PRKDC: variants seen among roughly 807,000 people sequenced by gnomAD.
The protein encoded by PRKDC is protein kinase, DNA-activated, catalytic subunit.
Under a neutral mutation model 486.9 loss-of-function variants are expected in PRKDC, and 82 were observed. The ratio of observed to expected loss-of-function variants is 0.17; its 90% CI spans 0.14 to 0.20. The LOEUF (loss-of-function observed/expected upper bound fraction) is 0.20. Ranked by LOEUF, PRKDC falls within the 10% of genes least tolerant of loss-of-function variation. The pLI is 1.00. For missense variants in PRKDC, 4,504 were observed against 5,038.2 expected, an observed-to-expected ratio of 0.89 and a Z score of 3.21; for synonymous variants, 1,895 against 1,837.0, an observed-to-expected ratio of 1.03 and a Z score of -0.81.
chr8:47,851,544 G>A (rs1016421865), intron 52 of PRKDC, among the ~76,000 whole-genome samples: 1 of 152,176 alleles, frequency 6.6e-6, no homozygotes, highest in Non-Finnish European at 1.5e-5. Flanking sequence ...AGGACCACCT[G>A]GCTTCTCCTG....
intron 35 of PRKDC, 55 bp from the exon 36 acceptor site, chr8:47,886,202 G>T: frequency 7.1e-7 from 1 of 1,414,716 alleles, no homozygotes. Flanking sequence ...GCATGGCACA[G>T]AAAGACCCTT....
At chr8:47,831,952 A>G in intron 59 of PRKDC, 26 bp from the exon 60 acceptor site, 2 of 1,587,416 alleles carry the variant, frequency 1.3e-6, no homozygotes, top group Non-Finnish European at 1.7e-6. Flanking sequence ...AGGCCCAGTT[A>G]CTCCCCGCCG....
In PRKDC at chr8:47,913,992, G is replaced by C. The variant is rs894027943; in HGVS notation, c.2690C>G (p.Pro897Arg). 1.9e-6 allele frequency: 3 copies of C among 1,607,706 alleles called. No individual in the cohort carries two copies. Among genetic ancestry groups the C allele is most frequent in the Non-Finnish European group, 2.5e-6 (3 of 1,176,728 alleles). The change falls in exon 24 of 86, where the codon CCC becomes CGC. Residue 897 changes from proline (P) to arginine (R), a missense_variant. Physicochemically the swap from Pro to Arg is moderately radical, Grantham distance 103. This residue lies in a region of PRKDC where 1,969 missense variants were observed against 2,068.9 expected (regional missense o/e 0.95). Coordinates refer to ENST00000314191, the MANE Select transcript of PRKDC (RefSeq NM_006904.7). ...AATGACAGGTTTCATCTCTCTAAAG[G>C]GCACTGCAAAGCTCAGCCGCTTCTC... ...DREKRLSFAV[P>R]FREMKPVIFL...
chr8:47,861,097 G>A (rs192068732), intron 44 of PRKDC, 126 bp from the exon 45 acceptor site: 3 of 695,784 alleles, frequency 4.3e-6, no homozygotes, highest in East Asian at 2.9e-5. Flanking sequence ...AAATTTAAAA[G>A]CACTCAAAAA....
At chr8:47,858,668 G>A (rs777629255) in intron 47 of PRKDC, 33 bp from the exon 48 acceptor site, 58 of 1,463,132 alleles carry the variant, frequency 4.0e-5, no homozygotes, top group African/African-American at 8.6e-5. Context: ...ACCTTAAAAC[G>A]TGGAATAAAA....
At position 47,877,779 on chromosome 8, in the gene PRKDC, G is replaced by T; in HGVS notation, c.5308C>A (p.Gln1770Lys). Residue 1770 changes from glutamine to lysine, a missense_variant, in exon 40 of 86, where the codon CAG (glutamine) becomes AAG (lysine). Around this residue, in one of 6 missense-constraint regions of PRKDC, gnomAD observed 1,969 missense variants for 2,068.9 expected, o/e 0.95. Coordinates refer to ENST00000314191, the MANE Select transcript of PRKDC (RefSeq NM_006904.7). ...ELMTEVLCRE[Q>K]QHVMEELFQS... is the part of the protein sequence containing the mutation. ...AATAATTCTTCCATGACATGCTGCT[G>T]TTCCCGACAAAGAACTTCTGTCATC... is the stretch of plus-strand genomic sequence containing the variant. The T allele has an allele frequency of 6.3e-7, 1 of 1,598,904 alleles. No homozygotes were observed. Among genetic ancestry groups the T allele is most frequent in the Non-Finnish European group, 8.5e-7 (1 of 1,171,852 alleles).
intron 30 of PRKDC, among the ~76,000 whole-genome samples, chr8:47,894,485 T>A (rs1349245316): frequency 6.6e-6 from 1 of 151,456 alleles, no homozygotes; most frequent in Admixed American, 6.6e-5. Flanking sequence ...CAGACAAGGG[T>A]ACATCACAAG....
intron 62 of PRKDC, among the ~76,000 whole-genome samples, chr8:47,827,292 C>T (rs1201825021): frequency 1.3e-5 from 2 of 151,966 alleles, no homozygotes; most frequent in African/African-American, 2.4e-5. Context: ...TTAACCAATT[C>T]GTTTGTAAAC....
At position 47,858,576 on chromosome 8, in the gene PRKDC, AT is replaced by A; in HGVS notation, c.6404del (p.Asn2135IlefsTer3). On this transcript the variant is annotated frameshift_variant, in exon 48 of 86. Transcript: ENST00000314191. LOFTEE classifies it high-confidence loss of function. ...WMKFLHGKLG[N>X]PIVPLNIRLF... ...GACGGATATTTAATGGTACTATTGG[AT>A]TTCCCAGTTTGCCATGGAGGAATTT... is the stretch of plus-strand genomic sequence containing the variant. 1 of 1,560,898 alleles carries A rather than the reference AT, an allele frequency of 6.4e-7. No individual in the cohort carries two copies. The highest frequency in any genetic ancestry group is 8.7e-7 in the Non-Finnish European group (1 of 1,151,286).
rs2154499228 is a variant in PRKDC at position 47,826,819 on chromosome 8, C to G, written c.8620G>C (p.Ala2874Pro). The G allele has an allele frequency of 6.2e-7, 1 of 1,604,160 alleles. No individual in the cohort carries two copies. The highest frequency in any genetic ancestry group is 8.5e-7 in the Non-Finnish European group (1 of 1,175,036). The change falls in exon 63 of 86, where the codon GCG becomes CCG. Residue 2874 changes from alanine to proline, a missense_variant. This residue lies in a region of PRKDC where 1,592 missense variants were observed against 1,724.6 expected (regional missense o/e 0.92). Coordinates refer to ENST00000314191, the MANE Select transcript of PRKDC (RefSeq NM_006904.7). Reference sequence around the variant, plus strand: ...GCCAGGCAACCAGCGCTAACAGCCGCTGGGTCGAGGCTCAGCAGGGCTGCG... The same window carrying G: ...GCCAGGCAACCAGCGCTAACAGCCGGTGGGTCGAGGCTCAGCAGGGCTGCG... ...QHAALLSLDP[A>P]AVSAGCLASL...
chr8:47,923,122 G>A (rs1194310131), intron 21 of PRKDC, among the ~76,000 whole-genome samples: 1 of 151,018 alleles, frequency 6.6e-6, no homozygotes, highest in Non-Finnish European at 1.5e-5. Flanking sequence ...GGAGTGCAAC[G>A]GCGTGATCTC....
intron 74 of PRKDC, among the ~76,000 whole-genome samples, chr8:47,790,364 C>G (rs902677325): frequency 1.4e-4 from 21 of 152,170 alleles, no homozygotes; most frequent in African/African-American, 5.1e-4. Flanking sequence ...AATGAAAGAT[C>G]TCTACAATGA....
intron 49 of PRKDC, 40 bp from the exon 50 acceptor site, chr8:47,855,413 C>A: frequency 6.6e-7 from 1 of 1,515,260 alleles, no homozygotes; most frequent in Non-Finnish European, 8.9e-7. Flanking sequence ...ATGCGGCATT[C>A]CATTCTGGAA....
intron 23 of PRKDC, 138 bp from the exon 24 acceptor site, chr8:47,914,202 T>C (rs2089952797): frequency 1.4e-6 from 1 of 702,582 alleles, no homozygotes; most frequent in South Asian, 6.4e-5. Flanking sequence ...TCTTTCCCTT[T>C]TCTTTTGCCT....
chr8:47,893,507 C>G (rs2089508603), intron 30 of PRKDC, 120 bp from the exon 31 acceptor site: 7 of 1,037,722 alleles, frequency 6.7e-6, no homozygotes, highest in Non-Finnish European at 7.8e-6. Context: ...ACGCATTCAA[C>G]TTGTTTCACT....
In PRKDC at chr8:47,782,610, A is replaced by G. The variant is rs1249987452; in HGVS notation, c.11176-12T>C. The G allele has an allele frequency of 3.9e-6, 6 of 1,552,116 alleles. No individual in the cohort carries two copies. Among genetic ancestry groups the G allele is most frequent in the Non-Finnish European group, 5.2e-6 (6 of 1,148,030 alleles). On this transcript the variant is annotated splice_polypyrimidine_tract_variant and intron_variant, in intron 78 of 85. Coordinates refer to ENST00000314191, the MANE Select transcript of PRKDC (RefSeq NM_006904.7). This position sits in a 1 kb window ranked among gnomAD's most constrained non-coding sequence, Gnocchi z 4.9. ...GCCATGACTGTCACCTTCAAAAATC[A>G]GAATGTCATCTCAGGGCACAGGCTA...
intron 39 of PRKDC, among the ~76,000 whole-genome samples, chr8:47,878,656 T>C (rs1300548195): frequency 6.6e-6 from 1 of 152,202 alleles, no homozygotes. Context: ...TTCTAGGAGA[T>C]ACCCTTAATT....
intron 11 of PRKDC, among the ~76,000 whole-genome samples, chr8:47,938,704 G>A (rs1414839616): frequency 1.3e-5 from 2 of 152,060 alleles, no homozygotes; most frequent in Non-Finnish European, 2.9e-5. Context: ...TGGGATTACA[G>A]GTATGTGCTA....
At chr8:47,900,865 G>A (rs1563793905) in intron 27 of PRKDC, among the ~76,000 whole-genome samples, 2 of 151,012 alleles carry the variant, frequency 1.3e-5, no homozygotes, top group Admixed American at 1.3e-4. Context: ...AAAAAAAATT[G>A]TTTTTTTGTT....
Sources: allele counts gnomAD v4.1 joint callset (sites outside exome capture counted in the v4.1 genomes callset), GRCh38; gene constraint gnomAD v4.1.1; regional missense constraint gnomAD v4.1.1; non-coding constraint Gnocchi (gnomAD v3.1); transcripts MANE v1.5; gene names NCBI Gene and HGNC (gene_info 2026-07-23, HGNC 2026-07-21).